The following STK32B variants were observed in gnomAD, a reference collection of about 807,000 sequenced individuals.
STK32B encodes the protein serine/threonine-protein kinase 32B.
STK32B carries 43 observed loss-of-function variants against 52.6 expected under a neutral mutation model. That is an observed-to-expected ratio of 0.82 (90% CI 0.64 to 1.05). STK32B has a LOEUF of 1.05. STK32B is among the 50% of genes least tolerant of loss of function. STK32B has a pLI of 0.00. For missense variants in STK32B, 621 were observed against 534.6 expected, an observed-to-expected ratio of 1.16 and a Z score of -1.59; for synonymous variants, 238 against 204.3, an observed-to-expected ratio of 1.17 and a Z score of -1.41.
intron 11 of STK32B, among the ~76,000 whole-genome samples, chr4:5,482,177 G>C (rs999169428): frequency 4.6e-5 from 7 of 152,198 alleles, no homozygotes; most frequent in Non-Finnish European, 5.9e-5. Context: ...ACCTTGGGCA[G>C]TATGGCCATT....
chr4:5,144,847 C>G (rs961123553), intron 2 of STK32B, among the ~76,000 whole-genome samples: 2 of 151,836 alleles, frequency 1.3e-5, no homozygotes, highest in Non-Finnish European at 2.9e-5. Flanking sequence ...ATACGGAGGA[C>G]CAATTTGCTC....
At chr4:5,101,998 C>A (rs926849483) in intron 1 of STK32B, among the ~76,000 whole-genome samples, 6 of 152,168 alleles carry the variant, frequency 3.9e-5, no homozygotes, top group Admixed American at 1.3e-4. Context: ...AGGTTCGTGT[C>A]CTCTTCTGTT....
chr4:5,142,426 A>T (rs992303833), intron 2 of STK32B, among the ~76,000 whole-genome samples: 1 of 152,178 alleles, frequency 6.6e-6, no homozygotes, highest in Admixed American at 6.5e-5. Context: ...TGCAACTTTA[A>T]TTTGTCTTTT....
intron 4 of STK32B, among the ~76,000 whole-genome samples, chr4:5,373,330 C>T: frequency 6.6e-6 from 1 of 152,148 alleles, no homozygotes; most frequent in Non-Finnish European, 1.5e-5. Context: ...GTTCAACACC[C>T]ATGTGATCCA....
intron 3 of STK32B, among the ~76,000 whole-genome samples, chr4:5,291,346 A>G (rs559523412): frequency 2.0e-5 from 3 of 152,224 alleles, no homozygotes; most frequent in East Asian, 1.9e-4. Context: ...GATGTTTTGT[A>G]GTTTTCAGTG....
chr4:5,127,952 T>C (rs1025567857), intron 1 of STK32B, among the ~76,000 whole-genome samples: 5 of 152,206 alleles, frequency 3.3e-5, no homozygotes, highest in Admixed American at 6.5e-5. Flanking sequence ...TGTTACCATA[T>C]AAGATGTGAC....
chr4:5,454,292 A>C (rs2109137146), intron 7 of STK32B, among the ~76,000 whole-genome samples: 1 of 152,134 alleles, frequency 6.6e-6, no homozygotes, highest in East Asian at 1.9e-4. Context: ...CTTAAACAGA[A>C]ATTATTCTCT....
intron 1 of STK32B, among the ~76,000 whole-genome samples, chr4:5,137,947 C>T (rs1191125175): frequency 6.6e-6 from 1 of 152,112 alleles, no homozygotes; most frequent in East Asian, 1.9e-4. Flanking sequence ...ATGTTCATTG[C>T]TGATTTGAGG....
At chr4:5,038,340 A>T in the STK32B span, among the ~76,000 whole-genome samples, 1 of 152,214 alleles carries the variant, frequency 6.6e-6, no homozygotes, top group African/African-American at 2.4e-5. Context: ...GAACCAAAGG[A>T]ATCCCCAAAT....
At chr4:5,066,790 G>T (rs1038307769) in intron 1 of STK32B, among the ~76,000 whole-genome samples, 13 of 151,978 alleles carry the variant, frequency 8.6e-5, no homozygotes, top group Non-Finnish European at 1.5e-4. Context: ...ACTGTATGTT[G>T]TTCTGTCCCC....
the STK32B span, among the ~76,000 whole-genome samples, chr4:5,044,358 G>A: frequency 1.2e-4 from 18 of 152,140 alleles, no homozygotes; most frequent in Non-Finnish European, 2.2e-4. Flanking sequence ...AGACACATCT[G>A]CCCAGGGACT....
chr4:5,434,160 G>A (rs1297472590), intron 6 of STK32B, among the ~76,000 whole-genome samples: 1 of 152,178 alleles, frequency 6.6e-6, no homozygotes, highest in Admixed American at 6.6e-5. Flanking sequence ...AATCCATAAA[G>A]CATGCACCAT....
intron 4 of STK32B, among the ~76,000 whole-genome samples, chr4:5,354,367 G>A (rs574009135): frequency 6.6e-6 from 1 of 152,102 alleles, no homozygotes; most frequent in African/African-American, 2.4e-5. Context: ...CTGGGTTCAA[G>A]GGATTCTCCT....
intron 3 of STK32B, among the ~76,000 whole-genome samples, chr4:5,246,417 G>T (rs1427997881): frequency 2.0e-5 from 3 of 152,140 alleles, no homozygotes; most frequent in Non-Finnish European, 4.4e-5. Flanking sequence ...TTGGTTTTCA[G>T]CTCCATCAGC....
rs16836611 is a variant in STK32B, at chr4:5,078,419, A to G, written c.52+26504A>G. On this transcript the variant is annotated intron_variant, in intron 1 of 11. Coordinates refer to ENST00000282908, the MANE Select transcript of STK32B (RefSeq NM_018401.3). Reference sequence around the variant, plus strand: ...AAAGACTGAAACAAAACAAACTGACATGATATGAAAAGAGGAAGCTAAAAA... The same window carrying G: ...AAAGACTGAAACAAAACAAACTGACGTGATATGAAAAGAGGAAGCTAAAAA... 8.2e-3 allele frequency among the ~76,000 whole-genome samples: 1,248 copies of G among 152,330 alleles called. 26 individuals are homozygous for G. Among genetic ancestry groups the G allele is most frequent in the African/African-American group, 0.029 (1,202 of 41,586 alleles).
At chr4:5,060,867 A>C (rs571377069) in intron 1 of STK32B, among the ~76,000 whole-genome samples, 2 of 152,238 alleles carry the variant, frequency 1.3e-5, no homozygotes, top group South Asian at 4.1e-4. Context: ...TTCTGAGCAA[A>C]AGACAGCTGC....
At chr4:5,429,833 T>C (rs932800339) in intron 6 of STK32B, among the ~76,000 whole-genome samples, 1 of 152,148 alleles carries the variant, frequency 6.6e-6, no homozygotes, top group Admixed American at 6.5e-5. Flanking sequence ...TTACAAGATA[T>C]TTTAACTGGA....
chr4:5,088,800 C>T (rs1712881811), intron 1 of STK32B, among the ~76,000 whole-genome samples: 1 of 151,724 alleles, frequency 6.6e-6, no homozygotes, highest in Admixed American at 6.6e-5. Flanking sequence ...GAAAGCAGTG[C>T]TCAGAGGGAA....
At chr4:5,495,451 A>G (rs888911192) in intron 11 of STK32B, among the ~76,000 whole-genome samples, 3 of 151,714 alleles carry the variant, frequency 2.0e-5, no homozygotes, top group African/African-American at 4.8e-5. Context: ...ACTTCTCTCT[A>G]TTGGTTATTC....
Sources: allele counts gnomAD v4.1 joint callset (sites outside exome capture counted in the v4.1 genomes callset), GRCh38; gene constraint gnomAD v4.1.1; transcripts MANE v1.5; gene names NCBI Gene and HGNC (gene_info 2026-07-23, HGNC 2026-07-21).